Variants in NME7 observed in about 807,000 individuals in gnomAD.
The protein encoded by NME7 is NME/NM23 family member 7.
In NME7, 41 loss-of-function variants were observed where a neutral mutation model predicts 49.1. The observed-to-expected ratio is 0.83, with a 90% CI of 0.65 to 1.08. The LOEUF (loss-of-function observed/expected upper bound fraction) is 1.08, where lower values mean the gene tolerates loss of function less well. Among genes scored for constraint, NME7 ranks in the 50% least tolerant of loss-of-function variants. The pLI is 0.00. For synonymous variants in NME7, 139 were observed against 150.6 expected, an observed-to-expected ratio of 0.92 and a Z score of 0.56; for missense variants, 423 against 463.4, an observed-to-expected ratio of 0.91 and a Z score of 0.80.
intron 10 of NME7, among the ~76,000 whole-genome samples, chr1:169,214,452 A>G (rs1195730636): frequency 6.6e-6 from 1 of 152,176 alleles, no homozygotes; most frequent in East Asian, 1.9e-4. Flanking sequence ...AATTTTTGCC[A>G]TTTCAAAAAA....
chr1:169,174,706 G>A (rs1249313899), intron 10 of NME7, among the ~76,000 whole-genome samples: 2 of 152,042 alleles, frequency 1.3e-5, no homozygotes, highest in African/African-American at 4.8e-5. Context: ...ATAAATATTT[G>A]TGTATCTACA....
At chr1:169,361,764 A>G (rs1359037992) in intron 1 of NME7, among the ~76,000 whole-genome samples, 4 of 151,902 alleles carry the variant, frequency 2.6e-5, no homozygotes, top group African/African-American at 9.7e-5. Context: ...CCGGGTCGAC[A>G]GAACAAAACT....
intron 7 of NME7, among the ~76,000 whole-genome samples, chr1:169,243,252 A>AT (rs140077699): frequency 0.062 from 9,442 of 152,258 alleles, 386 homozygotes; most frequent in East Asian, 0.12. Context: ...TGTCCAACTG[A>AT]TTTTTTACAA....
intron 7 of NME7, among the ~76,000 whole-genome samples, chr1:169,282,132 T>A (rs1650044364): frequency 6.6e-6 from 1 of 152,196 alleles, no homozygotes; most frequent in South Asian, 2.1e-4. Flanking sequence ...CAGAACCTGT[T>A]ATTGGTCTGT....
At chr1:169,188,874 A>G (rs1187235651) in intron 10 of NME7, among the ~76,000 whole-genome samples, 1 of 152,198 alleles carries the variant, frequency 6.6e-6, no homozygotes, top group Non-Finnish European at 1.5e-5. Context: ...TGGATCACAT[A>G]GTGTCTTCAT....
At chr1:169,200,194 G>A (rs1309704800) in intron 10 of NME7, among the ~76,000 whole-genome samples, 6 of 151,968 alleles carry the variant, frequency 3.9e-5, no homozygotes, top group African/African-American at 1.2e-4. Flanking sequence ...ACTATATAAC[G>A]TGATAAGCAA....
At chr1:169,207,313 C>T (rs1427638791) in intron 10 of NME7, among the ~76,000 whole-genome samples, 1 of 152,070 alleles carries the variant, frequency 6.6e-6, no homozygotes, top group African/African-American at 2.4e-5. Flanking sequence ...GGGATCTGCC[C>T]CCAGGACCCA....
chr1:169,317,523 G>A (rs1316174545), intron 3 of NME7, among the ~76,000 whole-genome samples: 1 of 152,174 alleles, frequency 6.6e-6, no homozygotes, highest in Non-Finnish European at 1.5e-5. Context: ...TTGGGGGTGA[G>A]TTTTTAGCAA....
intron 4 of NME7, among the ~76,000 whole-genome samples, chr1:169,308,431 A>G (rs1271648497): frequency 6.6e-6 from 1 of 152,230 alleles, no homozygotes; most frequent in Non-Finnish European, 1.5e-5. Flanking sequence ...GAGAAACATA[A>G]GAACACTATT....
chr1:169,354,450 G>A (rs1653304847), intron 1 of NME7, among the ~76,000 whole-genome samples: 1 of 151,650 alleles, frequency 6.6e-6, no homozygotes, highest in Non-Finnish European at 1.5e-5. Flanking sequence ...GTAAGACCTA[G>A]TATTCAATAG....
intron 1 of NME7, among the ~76,000 whole-genome samples, chr1:169,353,035 T>C (rs960419867): frequency 6.7e-6 from 1 of 149,744 alleles, no homozygotes; most frequent in Non-Finnish European, 1.5e-5. Flanking sequence ...CTTCAAAGAG[T>C]AGAAATAGAA....
intron 11 of NME7, among the ~76,000 whole-genome samples, chr1:169,151,781 T>C (rs970098732): frequency 2.0e-5 from 3 of 151,964 alleles, no homozygotes; most frequent in Non-Finnish European, 4.4e-5. Flanking sequence ...GGTCAGTATC[T>C]CTTTCCCTCT....
intron 7 of NME7, chr1:169,285,245 G>A (rs536696206): frequency 2.8e-4 from 42 of 152,036 alleles, no homozygotes; most frequent in African/African-American, 9.6e-4. Flanking sequence ...ATGCTACAAC[G>A]ACCATTTCCT....
chr1:169,180,059 T>C (rs1659881657), intron 10 of NME7, among the ~76,000 whole-genome samples: 1 of 151,628 alleles, frequency 6.6e-6, no homozygotes, highest in Non-Finnish European at 1.5e-5. Flanking sequence ...ATTTATAAAA[T>C]AACATAGAGA....
At chr1:169,291,211 G>A (rs998727276) in intron 6 of NME7, among the ~76,000 whole-genome samples, 8 of 152,118 alleles carry the variant, frequency 5.3e-5, no homozygotes, top group South Asian at 2.1e-4. Context: ...ACATGCACAC[G>A]TATGTTTATT....
intron 1 of NME7, among the ~76,000 whole-genome samples, chr1:169,367,246 G>A (rs992349831): frequency 4.6e-5 from 7 of 152,174 alleles, no homozygotes; most frequent in Non-Finnish European, 1.0e-4. Context: ...ACATACACCT[G>A]TTAATGGCCC....
intron 5 of NME7, among the ~76,000 whole-genome samples, chr1:169,298,997 A>C (rs1650825294): frequency 1.3e-5 from 2 of 152,132 alleles, no homozygotes. Flanking sequence ...CTGTTACCAG[A>C]AAAATCACTG....
At chr1:169,229,889 G>A (rs930535716) in intron 10 of NME7, among the ~76,000 whole-genome samples, 2 of 151,966 alleles carry the variant, frequency 1.3e-5, no homozygotes, top group South Asian at 2.1e-4. Context: ...TAGAGCCCGG[G>A]AGGTGGAGGT....
chr1:169,358,556 T>C (rs1310192145), intron 1 of NME7, among the ~76,000 whole-genome samples: 3 of 152,100 alleles, frequency 2.0e-5, no homozygotes, highest in Non-Finnish European at 4.4e-5. Context: ...TATTCTTCAC[T>C]ACAGTCAGAC....
Sources: allele counts gnomAD v4.1 joint callset (sites outside exome capture counted in the v4.1 genomes callset), GRCh38; gene constraint gnomAD v4.1.1; transcripts MANE v1.5; gene names NCBI Gene and HGNC (gene_info 2026-07-23, HGNC 2026-07-21).